Variants in TNKS observed in about 807,000 individuals in gnomAD.
TNKS encodes the protein poly [ADP-ribose] polymerase tankyrase-1.
A neutral mutation model predicts 135.8 loss-of-function variants in TNKS; 72 were observed. That is an observed-to-expected ratio of 0.53 (90% CI 0.44 to 0.64). The LOEUF (loss-of-function observed/expected upper bound fraction) is 0.64. TNKS is among the 30% of genes least tolerant of loss of function. The probability of loss-of-function intolerance (pLI) is 0.00; values close to 1 mark genes in which losing one functional copy is unlikely to be tolerated. For synonymous variants in TNKS, 849 were observed against 649.3 expected (o/e 1.31, Z -4.68); for missense variants, 1,769 against 1,674.0 (o/e 1.06, Z -0.99).
At chr8:9,646,085 A>C (rs1257021593) in intron 3 of TNKS, among the ~76,000 whole-genome samples, 1 of 152,112 alleles carries the variant, frequency 6.6e-6, no homozygotes, top group African/African-American at 2.4e-5. Flanking sequence ...CTTAACACAT[A>C]ATTTCCTTCT....
intron 17 of TNKS, among the ~76,000 whole-genome samples, chr8:9,744,883 C>G (rs1163839146): frequency 2.6e-5 from 4 of 152,160 alleles, no homozygotes; most frequent in African/African-American, 7.2e-5. Flanking sequence ...CAAGCATAAA[C>G]TATAACTTCA....
At chr8:9,635,693 CACA>C (rs1038560095) in intron 3 of TNKS, among the ~76,000 whole-genome samples, 1 of 152,168 alleles carries the variant, frequency 6.6e-6, no homozygotes, top group African/African-American at 2.4e-5. Flanking sequence ...CTGAGAAGGT[CACA>C]ACATTTCTTA....
At chr8:9,765,648 T>A (rs374239220) in intron 23 of TNKS, 44 bp from the exon 24 acceptor site, 1 of 1,486,752 alleles carries the variant, frequency 6.7e-7, no homozygotes, top group African/African-American at 1.4e-5. Context: ...AAATCATAAA[T>A]GCACGTTTCA....
At chr8:9,591,972 A>C (rs1050576291) in intron 2 of TNKS, among the ~76,000 whole-genome samples, 12 of 152,204 alleles carry the variant, frequency 7.9e-5, no homozygotes, top group African/African-American at 2.4e-4. Flanking sequence ...TGCTTAGGAT[A>C]TATTTTTAAA....
chr8:9,708,794 A>G (rs557603469), intron 9 of TNKS, among the ~76,000 whole-genome samples: 239 of 152,216 alleles, frequency 1.6e-3, no homozygotes, highest in South Asian at 6.4e-3. Context: ...TGATTTTTCA[A>G]TAGAATTTTT....
chr8:9,639,239 TTTTAAAGTAGACC>T (rs765803762), intron 3 of TNKS, among the ~76,000 whole-genome samples: 10 of 152,168 alleles, frequency 6.6e-5, no homozygotes, highest in Non-Finnish European at 1.0e-4. Flanking sequence ...CTCGTTTATT[TTTTAAAGTAGACC>T]TATCTTTAAT....
At chr8:9,732,929 A>G (rs577531073) in intron 14 of TNKS, among the ~76,000 whole-genome samples, 13 of 152,302 alleles carry the variant, frequency 8.5e-5, no homozygotes, top group Admixed American at 6.5e-4. Flanking sequence ...GATTTACACA[A>G]CTTTTTACCA....
intron 5 of TNKS, among the ~76,000 whole-genome samples, chr8:9,701,508 C>G (rs1803802956): frequency 6.6e-6 from 1 of 152,134 alleles, no homozygotes. Context: ...AGGAAGTTTT[C>G]AAACTGCAAT....
At chr8:9,742,762 TTTA>T (rs1294689598) in intron 17 of TNKS, among the ~76,000 whole-genome samples, 2 of 149,150 alleles carry the variant, frequency 1.3e-5, no homozygotes, top group East Asian at 3.9e-4. Flanking sequence ...TTAAGAAGTA[TTTA>T]TTAGTACTCC....
rs772914830 is a variant in TNKS at position 9,708,396 on chromosome 8, A to G, written c.1482A>G (p.Leu494=). ...LTYEFKGHSL[L]QAAREADLAK... Reference sequence around the variant, plus strand: ...ATGAATTTAAAGGTCATTCTTTACTACAAGCAGCCAGAGAAGCAGACTTAG... The same window carrying G: ...ATGAATTTAAAGGTCATTCTTTACTGCAAGCAGCCAGAGAAGCAGACTTAG... The change falls in exon 9 of 27, where the codon CTA becomes CTG. Residue 494 remains leucine (L), a synonymous_variant. Transcript: ENST00000310430. The G allele has an allele frequency of 3.1e-6, 5 of 1,608,154 alleles. No individual in the cohort carries two copies. Among genetic ancestry groups the G allele is most frequent in the Admixed American group, 1.7e-5 (1 of 59,608 alleles).
At chr8:9,603,459 G>A (rs1278248756) in intron 2 of TNKS, among the ~76,000 whole-genome samples, 1 of 152,176 alleles carries the variant, frequency 6.6e-6, no homozygotes, top group African/African-American at 2.4e-5. Context: ...ACCATATTGG[G>A]CAGCATAACT....
chr8:9,756,612 G>A (rs1435035394), intron 20 of TNKS, among the ~76,000 whole-genome samples: 1 of 152,046 alleles, frequency 6.6e-6, no homozygotes, highest in African/African-American at 2.4e-5. Flanking sequence ...AAATTCCTGA[G>A]TCTTGAAGCA....
chr8:9,647,665 G>T (rs1007867873), intron 3 of TNKS, among the ~76,000 whole-genome samples: 1 of 152,094 alleles, frequency 6.6e-6, no homozygotes, highest in African/African-American at 2.4e-5. Flanking sequence ...TCATTTGTGG[G>T]TCTGTCTTCT....
chr8:9,620,435 C>G (rs1036124655), intron 3 of TNKS, among the ~76,000 whole-genome samples: 8 of 152,196 alleles, frequency 5.3e-5, no homozygotes, highest in Admixed American at 5.2e-4. Context: ...TTAAACTTCG[C>G]TCAGTTCTCT....
chr8:9,624,684 A>G (rs1799990052), intron 3 of TNKS, among the ~76,000 whole-genome samples: 1 of 152,106 alleles, frequency 6.6e-6, no homozygotes, highest in Non-Finnish European at 1.5e-5. Flanking sequence ...GCCTTATAGA[A>G]TGAGTTAGTT....
At chr8:9,744,177 C>A (rs1021030276) in intron 17 of TNKS, among the ~76,000 whole-genome samples, 1 of 151,994 alleles carries the variant, frequency 6.6e-6, no homozygotes, top group Non-Finnish European at 1.5e-5. Context: ...GGTAGTGTGC[C>A]TTACTGTGTC....
intron 1 of TNKS, among the ~76,000 whole-genome samples, chr8:9,562,702 T>C (rs1797383501): frequency 6.6e-6 from 1 of 152,204 alleles, no homozygotes; most frequent in African/African-American, 2.4e-5. Flanking sequence ...TTACCTCTTC[T>C]ATGTTGCATC....
intron 17 of TNKS, among the ~76,000 whole-genome samples, chr8:9,746,036 T>A (rs754188535): frequency 1.1e-4 from 17 of 152,164 alleles, no homozygotes; most frequent in Non-Finnish European, 2.4e-4. Flanking sequence ...CTCATAAATG[T>A]CTTCCTTAAA....
intron 21 of TNKS, among the ~76,000 whole-genome samples, chr8:9,762,877 C>G (rs554795621): frequency 6.7e-6 from 1 of 150,192 alleles, no homozygotes; most frequent in Non-Finnish European, 1.5e-5. Flanking sequence ...TGCACTCCAG[C>G]CTGGGCGACA....
Sources: allele counts gnomAD v4.1 joint callset (sites outside exome capture counted in the v4.1 genomes callset), GRCh38; gene constraint gnomAD v4.1.1; transcripts MANE v1.5; gene names NCBI Gene and HGNC (gene_info 2026-07-23, HGNC 2026-07-21).